SLMAP: variants seen among roughly 807,000 people sequenced by gnomAD.
SLMAP encodes the protein sarcolemmal membrane-associated protein.
A neutral mutation model predicts 128.8 loss-of-function variants in SLMAP; 44 were observed. That is an observed-to-expected ratio of 0.34 (90% CI 0.27 to 0.44). The LOEUF (loss-of-function observed/expected upper bound fraction) is 0.44, where lower values mean the gene tolerates loss of function less well. SLMAP is among the 20% of genes least tolerant of loss of function. The pLI, the probability that SLMAP is intolerant of heterozygous loss-of-function variation, is 1.00. For synonymous variants in SLMAP, 327 were observed against 348.8 expected, an observed-to-expected ratio of 0.94 and a Z score of 0.70; for missense variants, 787 against 985.3, an observed-to-expected ratio of 0.80 and a Z score of 2.69.
At chr3:57,865,365 C>G (rs993923274) in intron 13 of SLMAP, 73 bp downstream of exon 13, 21 of 632,778 alleles carry the variant, frequency 3.3e-5, no homozygotes, top group Non-Finnish European at 5.0e-5. Context: ...ATAAGGAGTT[C>G]AGGGTTTTAA....
chr3:57,761,915 C>T (rs1405775624), intron 2 of SLMAP, among the ~76,000 whole-genome samples: 13 of 150,676 alleles, frequency 8.6e-5, no homozygotes, highest in African/African-American at 2.9e-4. Flanking sequence ...GGCGCGGTGG[C>T]GGGCGCCTGT....
At chr3:57,853,954 A>ATTAT (rs1553880877) in intron 6 of SLMAP, among the ~76,000 whole-genome samples, 185 of 40,592 alleles carry the variant, frequency 4.6e-3, no homozygotes, top group South Asian at 0.016. Flanking sequence ...AAAAAAAAAA[A>ATTAT]TTATATATAT....
intron 3 of SLMAP, among the ~76,000 whole-genome samples, chr3:57,833,789 T>TA (rs1283841135): frequency 3.1e-4 from 47 of 150,120 alleles, no homozygotes; most frequent in African/African-American, 1.1e-3. Context: ...GAGATTAGAT[T>TA]TAAAAAAAAA....
At chr3:57,861,342 G>C (rs1439501344) in intron 9 of SLMAP, among the ~76,000 whole-genome samples, 1 of 151,934 alleles carries the variant, frequency 6.6e-6, no homozygotes, top group Non-Finnish European at 1.5e-5. Flanking sequence ...TTATTGCTTT[G>C]GGGAAAAAAA....
At chr3:57,817,336 T>C (rs183972936) in intron 2 of SLMAP, among the ~76,000 whole-genome samples, 1 of 152,338 alleles carries the variant, frequency 6.6e-6, no homozygotes, top group Admixed American at 6.5e-5. Context: ...ACCGTTATTA[T>C]GCACTTACTG....
chr3:57,847,143 C>G, intron 4 of SLMAP, 54 bp from the exon 5 acceptor site: 3 of 1,168,236 alleles, frequency 2.6e-6, no homozygotes, highest in Non-Finnish European at 3.8e-6. Flanking sequence ...CTCTCATACT[C>G]TGTTTCCTCT....
intron 3 of SLMAP, among the ~76,000 whole-genome samples, chr3:57,838,047 T>G (rs2093724405): frequency 6.6e-6 from 1 of 152,228 alleles, no homozygotes; most frequent in Admixed American, 6.5e-5. Context: ...TCAGCTCATT[T>G]GCTGAACTTT....
At chr3:57,849,272 A>G (rs1218304332) in intron 5 of SLMAP, among the ~76,000 whole-genome samples, 1 of 152,198 alleles carries the variant, frequency 6.6e-6, no homozygotes, top group Non-Finnish European at 1.5e-5. Context: ...GATATTCCTT[A>G]TAATACTCTT....
intron 2 of SLMAP, among the ~76,000 whole-genome samples, chr3:57,822,669 C>T (rs1055233013): frequency 1.6e-4 from 25 of 152,134 alleles, no homozygotes; most frequent in Non-Finnish European, 2.2e-4. Context: ...ACTTGCTGGT[C>T]CCCAGGTGGG....
intron 2 of SLMAP, among the ~76,000 whole-genome samples, chr3:57,785,050 G>T (rs2083813846): frequency 6.6e-6 from 1 of 152,068 alleles, no homozygotes; most frequent in Non-Finnish European, 1.5e-5. Flanking sequence ...TAGTTATAAA[G>T]TATTCAGTCT....
At chr3:57,875,483 C>G (rs1249144731) in intron 14 of SLMAP, among the ~76,000 whole-genome samples, 1 of 152,150 alleles carries the variant, frequency 6.6e-6, no homozygotes, top group Non-Finnish European at 1.5e-5. Flanking sequence ...CCATTGCACT[C>G]CAGCCTGGGC....
intron 4 of SLMAP, among the ~76,000 whole-genome samples, chr3:57,843,834 G>T (rs1455944757): frequency 7.8e-6 from 1 of 127,944 alleles, no homozygotes; most frequent in Non-Finnish European, 1.6e-5. Flanking sequence ...AGGCTGGAGT[G>T]CGGTGGGATG....
intron 2 of SLMAP, among the ~76,000 whole-genome samples, chr3:57,794,584 C>T (rs1358280795): frequency 6.6e-6 from 1 of 152,056 alleles, no homozygotes; most frequent in Admixed American, 6.6e-5. Context: ...TTAGCAGTCA[C>T]CCCCCCATTT....
intron 2 of SLMAP, among the ~76,000 whole-genome samples, chr3:57,793,003 G>T (rs2085866617): frequency 1.3e-5 from 2 of 152,154 alleles, no homozygotes; most frequent in South Asian, 4.1e-4. Flanking sequence ...GCTGAGCGTT[G>T]TGGTGCGCAC....
chr3:57,831,618 A>G (rs2093341359), intron 3 of SLMAP, 88 bp downstream of exon 3: 1 of 947,910 alleles, frequency 1.1e-6, no homozygotes, highest in Middle Eastern at 2.3e-4. Context: ...GAAACATTAC[A>G]TGCTTGTGAA....
intron 9 of SLMAP, among the ~76,000 whole-genome samples, chr3:57,861,471 T>TA (rs1395732294): frequency 5.3e-5 from 8 of 152,236 alleles, no homozygotes; most frequent in African/African-American, 1.7e-4. Flanking sequence ...TACCTTTCCT[T>TA]ACTACAGGTA....
At chr3:57,889,609 C>T (rs759683931) in intron 14 of SLMAP, among the ~76,000 whole-genome samples, 3 of 152,054 alleles carry the variant, frequency 2.0e-5, no homozygotes, top group Non-Finnish European at 2.9e-5. Context: ...TACTGAAATA[C>T]ATTATATAGG....
chr3:57,835,957 A>G (rs1393820394), intron 3 of SLMAP, among the ~76,000 whole-genome samples: 3 of 152,158 alleles, frequency 2.0e-5, no homozygotes, highest in African/African-American at 7.2e-5. Flanking sequence ...AGGATTTATG[A>G]AAGGATGTTT....
chr3:57,802,666 A>G (rs1301825101), intron 2 of SLMAP, among the ~76,000 whole-genome samples: 1 of 152,156 alleles, frequency 6.6e-6, no homozygotes, highest in Admixed American at 6.6e-5. Flanking sequence ...TTCACTTAGC[A>G]TTATGTTTTT....
Sources: allele counts gnomAD v4.1 joint callset (sites outside exome capture counted in the v4.1 genomes callset), GRCh38; gene constraint gnomAD v4.1.1; transcripts MANE v1.5; gene names NCBI Gene and HGNC (gene_info 2026-07-23, HGNC 2026-07-21).